Variants in ADAMTS16 observed in about 807,000 individuals in gnomAD.
ADAMTS16 encodes A disintegrin and metalloproteinase with thrombospondin motifs 16.
Under a neutral mutation model 145.8 loss-of-function variants are expected in ADAMTS16, and 94 were observed. That is an observed-to-expected ratio of 0.64 (90% CI 0.55 to 0.77). The LOEUF (loss-of-function observed/expected upper bound fraction) is 0.77. Among genes scored for constraint, ADAMTS16 ranks in the 30% least tolerant of loss-of-function variants. The pLI, the probability that ADAMTS16 is intolerant of heterozygous loss-of-function variation, is 0.00. For missense variants in ADAMTS16, 1,585 were observed against 1,591.5 expected (o/e 1.00, Z 0.07); for synonymous variants, 659 against 604.3 (o/e 1.09, Z -1.33).
At chr5:5,147,916 T>C (rs371390943) in intron 3 of ADAMTS16, among the ~76,000 whole-genome samples, 7 of 152,192 alleles carry the variant, frequency 4.6e-5, no homozygotes, top group African/African-American at 1.7e-4. Flanking sequence ...CTGAGGCCCC[T>C]GGGTTTCCCT....
intron 3 of ADAMTS16, among the ~76,000 whole-genome samples, chr5:5,166,170 T>C (rs1734872723): frequency 6.6e-6 from 1 of 152,180 alleles, no homozygotes; most frequent in Non-Finnish European, 1.5e-5. Context: ...GTTATGGATT[T>C]ATCCTCTAAT....
chr5:5,305,355 C>A (rs920039239), intron 20 of ADAMTS16, among the ~76,000 whole-genome samples: 1 of 77,680 alleles, frequency 1.3e-5, no homozygotes, highest in Non-Finnish European at 2.7e-5. Context: ...ACATCCCACA[C>A]CACACACACA....
intron 18 of ADAMTS16, among the ~76,000 whole-genome samples, chr5:5,294,581 C>T (rs1219947388): frequency 2.0e-5 from 3 of 152,194 alleles, no homozygotes; most frequent in South Asian, 2.1e-4. Flanking sequence ...TTTATCTCAC[C>T]TAAATATGCT....
chr5:5,299,686 GCAC>G (rs1318834834), intron 18 of ADAMTS16, among the ~76,000 whole-genome samples: 1 of 152,164 alleles, frequency 6.6e-6, no homozygotes, highest in Non-Finnish European at 1.5e-5. Context: ...CCACAAAGGA[GCAC>G]CCTGGGAGGG....
intron 21 of ADAMTS16, 38 bp from the exon 22 acceptor site, chr5:5,318,096 C>T: frequency 7.5e-7 from 1 of 1,338,042 alleles, no homozygotes; most frequent in African/African-American, 1.5e-5. Flanking sequence ...TGCCTGAGAG[C>T]CTGGGGCCAT....
intron 18 of ADAMTS16, among the ~76,000 whole-genome samples, chr5:5,280,835 T>C (rs1738874196): frequency 6.6e-6 from 1 of 152,326 alleles, no homozygotes; most frequent in African/African-American, 2.4e-5. Context: ...AAATTACCTC[T>C]AGGGGAACCT....
At chr5:5,187,052 C>T (rs1421869470) in intron 5 of ADAMTS16, among the ~76,000 whole-genome samples, 1 of 152,166 alleles carries the variant, frequency 6.6e-6, no homozygotes, top group Non-Finnish European at 1.5e-5. Context: ...TGAAATAGAG[C>T]CACCTTCCCG....
At chr5:5,176,651 T>G (rs370470295) in intron 3 of ADAMTS16, among the ~76,000 whole-genome samples, 5 of 152,270 alleles carry the variant, frequency 3.3e-5, no homozygotes, top group African/African-American at 1.2e-4. Flanking sequence ...AACATATAGA[T>G]ACAGGAATGG....
intron 11 of ADAMTS16, among the ~76,000 whole-genome samples, chr5:5,227,575 A>G (rs924222976): frequency 1.3e-4 from 19 of 150,878 alleles, no homozygotes; most frequent in African/African-American, 4.1e-4. Flanking sequence ...ATTTCCCCCA[A>G]CCTCCTTAGC....
chr5:5,166,062 T>C (rs1734867933), intron 3 of ADAMTS16, among the ~76,000 whole-genome samples: 1 of 152,200 alleles, frequency 6.6e-6, no homozygotes, highest in Non-Finnish European at 1.5e-5. Context: ...GCCTTTATTC[T>C]TTAAAAATAT....
chr5:5,207,667 A>AT lies in ADAMTS16; in HGVS notation c.1452-1420dup, dbSNP rs777790186. Among the ~76,000 whole-genome samples the AT allele has an allele frequency of 4.0e-4, 60 of 150,364 alleles. 1 individual carries two copies. Among genetic ancestry groups the AT allele is most frequent in the African/African-American group, 1.0e-3 (41 of 40,974 alleles). On this transcript the variant is annotated intron_variant, in intron 9 of 22. Coordinates refer to ENST00000274181, the MANE Select transcript of ADAMTS16 (RefSeq NM_139056.4). ...CACCATTAATTATAATGTTAACTAT[A>AT]TTTTTTGTAGATGGAAGTTCTCCTC...
rs1737739839 is a variant in ADAMTS16, at chr5:5,255,086, G to A, written c.2663-7571G>A. Among the ~76,000 whole-genome samples the A allele has an allele frequency of 5.3e-5, 8 of 152,110 alleles. No homozygotes were observed. The South Asian group carries it at 1.7e-3, about 32-fold the overall frequency. On this transcript the variant is annotated intron_variant, in intron 17 of 22. Transcript: ENST00000274181. ...TTCTGGAATTAGTTTTTCTAATTAA[G>A]AAAACCATCTTTTTAAATGTATTAT...
At chr5:5,189,932 T>C (rs766168108) in intron 6 of ADAMTS16, 39 bp from the exon 7 acceptor site, 3 of 1,605,266 alleles carry the variant, frequency 1.9e-6, no homozygotes, top group Non-Finnish European at 2.5e-6. Flanking sequence ...TGTTTTCTCT[T>C]CATTATCATG....
At chr5:5,145,263 A>G (rs1734263001) in intron 2 of ADAMTS16, among the ~76,000 whole-genome samples, 1 of 152,242 alleles carries the variant, frequency 6.6e-6, no homozygotes. Context: ...TTACAGTGAA[A>G]TTAATTATAT....
intron 11 of ADAMTS16, 21 bp downstream of exon 11, chr5:5,222,905 A>G (rs775498551): frequency 6.2e-7 from 1 of 1,607,080 alleles, no homozygotes; most frequent in Non-Finnish European, 8.5e-7. Flanking sequence ...AACTGTAGGT[A>G]CAGCATCGTA....
intron 22 of ADAMTS16, 60 bp downstream of exon 22, chr5:5,318,341 G>A (rs1734142946): frequency 3.0e-6 from 4 of 1,350,932 alleles, no homozygotes; most frequent in Middle Eastern, 2.0e-4. Flanking sequence ...CAGGTTTCTG[G>A]AGCAGTTCCT....
At chr5:5,212,152 T>C (rs776790883) in intron 10 of ADAMTS16, among the ~76,000 whole-genome samples, 2 of 151,668 alleles carry the variant, frequency 1.3e-5, no homozygotes, top group Non-Finnish European at 2.9e-5. Flanking sequence ...TTATTACGTA[T>C]GTTTCTATTT....
intron 3 of ADAMTS16, among the ~76,000 whole-genome samples, chr5:5,146,843 G>A (rs915056558): frequency 6.6e-6 from 1 of 152,186 alleles, no homozygotes; most frequent in Non-Finnish European, 1.5e-5. Flanking sequence ...CACAATTCAA[G>A]AGATTGGCCA....
At position 5,235,154 on chromosome 5, in the gene ADAMTS16, A is replaced by T. The variant is rs1737064568; in HGVS notation, c.1991A>T (p.His664Leu). ...EHNSRRFRGR[H>L]YKWKPYTQVE... ...AACAGCAGACGATTCAGAGGGCGGC[A>T]CTACAAGTGGAAGCCTTACACTCAA... is the stretch of plus-strand genomic sequence containing the variant. Residue 664 changes from histidine (H) to leucine (L), a missense_variant, in exon 13 of 23, where the codon CAC becomes CTC. His to Leu is a moderately conservative substitution (Grantham distance 99). This residue lies in a region of ADAMTS16 where 834 missense variants were observed against 811.7 expected (regional missense o/e 1.03). Coordinates refer to ENST00000274181, the MANE Select transcript of ADAMTS16 (RefSeq NM_139056.4). 6.3e-7 allele frequency: 1 copy of T among 1,586,050 alleles called. No homozygotes were observed. Among genetic ancestry groups the T allele is most frequent in the East Asian group, 2.3e-5 (1 of 44,020 alleles).
Sources: allele counts gnomAD v4.1 joint callset (sites outside exome capture counted in the v4.1 genomes callset), GRCh38; gene constraint gnomAD v4.1.1; regional missense constraint gnomAD v4.1.1; transcripts MANE v1.5; gene names NCBI Gene and HGNC (gene_info 2026-07-23, HGNC 2026-07-21).